PRELID2: variants seen among roughly 807,000 people sequenced by gnomAD.
PRELID2 encodes PRELI domain-containing protein 2.
PRELID2 carries 25 observed loss-of-function variants against 28.4 expected under a neutral mutation model. The observed-to-expected ratio is 0.88, with a 90% confidence interval of 0.64 to 1.23. The LOEUF (loss-of-function observed/expected upper bound fraction) is 1.23, where lower values mean the gene tolerates loss of function less well. PRELID2 is among the 50% of genes most tolerant of loss of function. The probability of loss-of-function intolerance (pLI) is 0.00; values close to 1 mark genes in which losing one functional copy is unlikely to be tolerated. For missense variants in PRELID2, 201 were observed against 214.4 expected (o/e 0.94, Z 0.39); for synonymous variants, 76 against 71.6 (o/e 1.06, Z -0.31).
At chr5:145,529,015 C>G (rs1752633841) in intron 1 of PRELID2, among the ~76,000 whole-genome samples, 1 of 152,138 alleles carries the variant, frequency 6.6e-6, no homozygotes, top group South Asian at 2.1e-4. Flanking sequence ...CTCCGTTTTC[C>G]CTGCTAGGGC....
chr5:145,517,064 G>A (rs1752523490), intron 1 of PRELID2, among the ~76,000 whole-genome samples: 1 of 152,048 alleles, frequency 6.6e-6, no homozygotes, highest in African/African-American at 2.4e-5. Context: ...TACCATTCAG[G>A]ACACAGGCAT....
At chr5:145,477,500 T>A (rs965836427) in intron 1 of PRELID2, among the ~76,000 whole-genome samples, 5 of 152,164 alleles carry the variant, frequency 3.3e-5, no homozygotes, top group South Asian at 2.1e-4. Flanking sequence ...AACAGGCCCA[T>A]CAGTGAACCA....
chr5:145,543,974 T>C (rs1580973139), intron 1 of PRELID2, among the ~76,000 whole-genome samples: 2 of 151,708 alleles, frequency 1.3e-5, no homozygotes, highest in Non-Finnish European at 2.9e-5. Flanking sequence ...TGCAGGGAGG[T>C]GACAGTGAGA....
At chr5:145,340,054 G>A in the PRELID2 span, among the ~76,000 whole-genome samples, 154 of 152,250 alleles carry the variant, frequency 1.0e-3, no homozygotes, top group African/African-American at 3.6e-3. Flanking sequence ...CAGTGACCTT[G>A]GGACCACTCC....
chr5:145,476,939 T>C (rs1416950781), intron 1 of PRELID2, among the ~76,000 whole-genome samples: 2 of 152,210 alleles, frequency 1.3e-5, no homozygotes, highest in African/African-American at 4.8e-5. Flanking sequence ...GCAAATGCCT[T>C]AATTCGTTAA....
At chr5:145,712,401 C>A (rs1274647378) in intron 1 of PRELID2, among the ~76,000 whole-genome samples, 1 of 152,114 alleles carries the variant, frequency 6.6e-6, no homozygotes, top group African/African-American at 2.4e-5. Context: ...TCTGTGACAT[C>A]ATGTTGATAG....
the PRELID2 span, among the ~76,000 whole-genome samples, chr5:145,354,719 G>T: frequency 5.3e-5 from 8 of 152,086 alleles, no homozygotes; most frequent in African/African-American, 1.9e-4. Flanking sequence ...GAGTAAACTT[G>T]TCCCAAAGTA....
chr5:145,329,484 G>C, the PRELID2 span, among the ~76,000 whole-genome samples: 1 of 152,098 alleles, frequency 6.6e-6, no homozygotes, highest in Admixed American at 6.6e-5. Flanking sequence ...TCTCCTTGAA[G>C]AGGCCCTTCA....
chr5:145,335,368 C>T, the PRELID2 span, among the ~76,000 whole-genome samples: 1 of 151,632 alleles, frequency 6.6e-6, no homozygotes, highest in Non-Finnish European at 1.5e-5. Context: ...TATTGTTTTT[C>T]CTGGTATTAT....
chr5:145,503,178 G>C (rs1752374659), intron 1 of PRELID2, among the ~76,000 whole-genome samples: 1 of 151,974 alleles, frequency 6.6e-6, no homozygotes, highest in South Asian at 2.1e-4. Flanking sequence ...CATCCCCTAG[G>C]GTCTGAAAGC....
At chr5:145,513,887 G>T (rs1221880553) in intron 1 of PRELID2, among the ~76,000 whole-genome samples, 1 of 152,054 alleles carries the variant, frequency 6.6e-6, no homozygotes, top group Admixed American at 6.6e-5. Flanking sequence ...TTCATATCCA[G>T]CCAAATTAAG....
intron 5 of PRELID2, among the ~76,000 whole-genome samples, chr5:145,777,105 T>C (rs77584049): frequency 0.014 from 2,081 of 152,322 alleles, 34 homozygotes; most frequent in South Asian, 0.053. Flanking sequence ...ACGTCTTATA[T>C]GGAATTTGGC....
chr5:145,334,400 C>T, the PRELID2 span, among the ~76,000 whole-genome samples: 1 of 152,138 alleles, frequency 6.6e-6, no homozygotes. Context: ...CAATTTACAT[C>T]TATTTATATT....
chr5:145,415,228 T>A, the PRELID2 span, among the ~76,000 whole-genome samples: 1 of 152,140 alleles, frequency 6.6e-6, no homozygotes, highest in Admixed American at 6.6e-5. Flanking sequence ...CCTGAATGAC[T>A]CTTTTTTTTG....
At chr5:145,272,790 T>C in the PRELID2 span, among the ~76,000 whole-genome samples, 25 of 152,298 alleles carry the variant, frequency 1.6e-4, no homozygotes, top group African/African-American at 4.8e-4. Context: ...TAAAATCTTA[T>C]ATTCCATTGT....
chr5:145,346,412 T>C, the PRELID2 span, among the ~76,000 whole-genome samples: 236 of 152,258 alleles, frequency 1.5e-3, 4 homozygotes, highest in East Asian at 0.039. Flanking sequence ...TTCACTAACA[T>C]TGCCCATTGC....
chr5:145,354,078 G>C, the PRELID2 span, among the ~76,000 whole-genome samples: 9 of 152,262 alleles, frequency 5.9e-5, no homozygotes, highest in African/African-American at 1.4e-4. Flanking sequence ...ATGTCATTTA[G>C]ATAGTACTTT....
chr5:145,561,622 AT>A (rs1752926432), intron 1 of PRELID2, among the ~76,000 whole-genome samples: 1 of 152,250 alleles, frequency 6.6e-6, no homozygotes, highest in Non-Finnish European at 1.5e-5. Flanking sequence ...AATTTTTTAG[AT>A]GAAAAGAAAG....
chr5:145,821,727 T>A (rs368151594), intron 2 of PRELID2, among the ~76,000 whole-genome samples: 2 of 152,210 alleles, frequency 1.3e-5, no homozygotes, highest in Admixed American at 6.5e-5. Flanking sequence ...GCTGCACACA[T>A]ACTCGAAATG....
Sources: allele counts gnomAD v4.1 joint callset (sites outside exome capture counted in the v4.1 genomes callset), GRCh38; gene constraint gnomAD v4.1.1; transcripts MANE v1.5; gene names NCBI Gene and HGNC (gene_info 2026-07-23, HGNC 2026-07-21).